AGAP1: variants seen among roughly 807,000 people sequenced by gnomAD.
AGAP1 encodes arf-GAP with GTPase, ANK repeat and PH domain-containing protein 1.
In AGAP1, 29 loss-of-function variants were observed where a neutral mutation model predicts 105.3. The ratio of observed to expected loss-of-function variants is 0.28; its 90% confidence interval spans 0.21 to 0.38. AGAP1 has a LOEUF of 0.38. Ranked by LOEUF, AGAP1 falls within the 10% of genes least tolerant of loss-of-function variation. The probability of loss-of-function intolerance (pLI) is 1.00; values close to 1 mark genes in which losing one functional copy is unlikely to be tolerated. For synonymous variants in AGAP1, 509 were observed against 485.9 expected (o/e 1.05, Z -0.63); for missense variants, 998 against 1,165.1 (o/e 0.86, Z 2.09).
chr2:235,597,714 C>T (rs1424216235), intron 1 of AGAP1, among the ~76,000 whole-genome samples: 1 of 151,660 alleles, frequency 6.6e-6, no homozygotes, highest in African/African-American at 2.4e-5. Flanking sequence ...GCACGCGCTC[C>T]CGTGTTTCCT....
At chr2:235,606,685 C>T (rs995203495) in intron 1 of AGAP1, among the ~76,000 whole-genome samples, 10 of 152,128 alleles carry the variant, frequency 6.6e-5, no homozygotes, top group African/African-American at 1.7e-4. Context: ...TGGTGGCTCA[C>T]GCCTTTAATC....
Position 236,124,406 on chromosome 2 carries a change from A to G in AGAP1, c.*284A>G, listed in dbSNP as rs2059971238. On this transcript the variant is annotated 3_prime_UTR_variant, in exon 18 of 18. Coordinates refer to ENST00000304032, the MANE Select transcript of AGAP1 (RefSeq NM_001037131.3). This position sits in a 1 kb window ranked among gnomAD's most constrained non-coding sequence, Gnocchi z 5.1. ...GGCCTCGGCCCTTTGATGATAGCAC[A>G]TGGCGCAGGACCCTTGTCCTGGTGG... 1 of 474,696 alleles carries G rather than the reference A, an allele frequency of 2.1e-6. No individual in the cohort carries two copies. 29.4% of individuals were successfully genotyped at this position (474,696 alleles called of 1,614,324 possible). A position where few individuals can be genotyped will look rare whatever the true frequency, so the allele number is the denominator to read the frequency against.
rs764495526 is a variant in AGAP1, at chr2:235,549,271, G to A, written c.163+54422G>A. Among the ~76,000 whole-genome samples, 8 of 152,218 alleles carry A rather than the reference G, an allele frequency of 5.3e-5. No individual in the cohort carries two copies. Among genetic ancestry groups the A allele is most frequent in the Non-Finnish European group, 1.0e-4 (7 of 68,028 alleles). ...TGTAGGTGACAAAGCTGGGGGGAAC[G>A]TGGAGGACAGGGATGACTGGAGAGA... On this transcript the variant is annotated intron_variant, in intron 1 of 17. Transcript: ENST00000304032. The surrounding 1 kb of genome is among the most constrained non-coding windows in gnomAD (Gnocchi z 4.2).
chr2:235,700,803 C>T lies in AGAP1; in HGVS notation c.164-8376C>T, dbSNP rs1950209634. ...CGACAAAGCGAGAATCTGTCTCTGT[C>T]TCTCTCTCTCTCTCTCTGTGTATAT... On this transcript the variant is annotated intron_variant, in intron 1 of 17. Coordinates refer to ENST00000304032, the MANE Select transcript of AGAP1 (RefSeq NM_001037131.3). The surrounding 1 kb of genome is among the most constrained non-coding windows in gnomAD (Gnocchi z 6.1). Among the ~76,000 whole-genome samples the T allele has an allele frequency of 2.7e-5, 4 of 147,060 alleles. No homozygotes were observed. The South Asian group carries it at 8.5e-4, about 31-fold the overall frequency.
intron 8 of AGAP1, among the ~76,000 whole-genome samples, chr2:235,805,560 T>G (rs1172796557): frequency 6.6e-6 from 1 of 152,198 alleles, no homozygotes; most frequent in Non-Finnish European, 1.5e-5. Flanking sequence ...AAAAAAAATT[T>G]TTTTAATGTT....
chr2:235,523,410 G>A (rs531722750), intron 1 of AGAP1, among the ~76,000 whole-genome samples: 14 of 152,314 alleles, frequency 9.2e-5, no homozygotes, highest in African/African-American at 2.6e-4. Context: ...TTGCTCACCT[G>A]TGCTGCATGG....
intron 1 of AGAP1, among the ~76,000 whole-genome samples, chr2:235,602,538 T>C (rs189034367): frequency 6.6e-6 from 1 of 152,306 alleles, no homozygotes; most frequent in East Asian, 1.9e-4. Context: ...GCATTAGCCG[T>C]GCCCTCTGCC....
rs1391258909 is a variant in AGAP1 at position 235,793,132 on chromosome 2, G to A, written c.674-4627G>A. 1.3e-5 allele frequency among the ~76,000 whole-genome samples: 2 copies of A among 152,128 alleles called. No individual in the cohort carries two copies. Among genetic ancestry groups the A allele is most frequent in the African/African-American group, 4.8e-5 (2 of 41,436 alleles). On this transcript the variant is annotated intron_variant, in intron 6 of 17. Transcript: ENST00000304032. The surrounding 1 kb of genome is among the most constrained non-coding windows in gnomAD (Gnocchi z 5.3). The stretch of plus-strand genomic sequence containing the variant: ...CGCCACATGCTGCTCAGAGGTCCAG[G>A]AAGGTGCGACCTAGCCTCTGGACCA...
intron 1 of AGAP1, among the ~76,000 whole-genome samples, chr2:235,580,917 A>G (rs1287846387): frequency 1.3e-5 from 2 of 152,136 alleles, no homozygotes; most frequent in Admixed American, 1.3e-4. Flanking sequence ...TGTATGGTGA[A>G]TAACTTGTGA....
intron 9 of AGAP1, among the ~76,000 whole-genome samples, chr2:235,822,352 G>A (rs990265076): frequency 6.6e-6 from 1 of 152,198 alleles, no homozygotes; most frequent in African/African-American, 2.4e-5. Context: ...AAGACCTGGG[G>A]AAACCTAGAG....
intron 12 of AGAP1, among the ~76,000 whole-genome samples, chr2:235,944,619 A>G (rs898486185): frequency 7.2e-5 from 11 of 152,336 alleles, no homozygotes; most frequent in Admixed American, 7.2e-4. Flanking sequence ...TGAAATAAGT[A>G]TCTCCACTCC....
chr2:235,756,199 C>A (rs1026208392), intron 6 of AGAP1, among the ~76,000 whole-genome samples: 1 of 152,242 alleles, frequency 6.6e-6, no homozygotes, highest in South Asian at 2.1e-4. Context: ...TCCTGAGTAG[C>A]GTGTTCGGAG....
Position 235,976,682 on chromosome 2 carries a change from A to T in AGAP1, c.1645+8059A>T, listed in dbSNP as rs1213630635. Among the ~76,000 whole-genome samples the T allele has an allele frequency of 6.6e-6, 1 of 152,198 alleles. No homozygotes were observed. The highest frequency in any genetic ancestry group is 1.5e-5 in the Non-Finnish European group (1 of 68,034). ...ACTGAAGCGGCCCAGCCATCAGGAC[A>T]CACATAGACCAGTGGAGAAAGCAGA... On this transcript the variant is annotated intron_variant, in intron 13 of 17. Coordinates refer to ENST00000304032, the MANE Select transcript of AGAP1 (RefSeq NM_001037131.3). The surrounding 1 kb of genome is among the most constrained non-coding windows in gnomAD (Gnocchi z 4.5).
At chr2:235,539,593 A>G (rs113316040) in intron 1 of AGAP1, among the ~76,000 whole-genome samples, 9,871 of 152,220 alleles carry the variant, frequency 0.065, 453 homozygotes, top group South Asian at 0.18. Flanking sequence ...GGTGGGAGGA[A>G]GGAGACCCAG....
chr2:235,497,902 T>C (rs948657175), intron 1 of AGAP1, among the ~76,000 whole-genome samples: 8 of 152,116 alleles, frequency 5.3e-5, no homozygotes, highest in Non-Finnish European at 1.2e-4. Context: ...GGCCGGGCAC[T>C]TCTTAACGTT....
intron 11 of AGAP1, among the ~76,000 whole-genome samples, chr2:235,928,914 G>C (rs2052583811): frequency 6.6e-6 from 1 of 152,214 alleles, no homozygotes; most frequent in Admixed American, 6.5e-5. Flanking sequence ...CCCGGCTGCT[G>C]TGAGGCCTGG....
At chr2:235,584,902 C>CTTTTTTTTTTTTTT (rs10629736) in intron 1 of AGAP1, among the ~76,000 whole-genome samples, 2 of 98,536 alleles carry the variant, frequency 2.0e-5, no homozygotes, top group Non-Finnish European at 3.6e-5. Context: ...AAGTCATTAC[C>CTTTTTTTTTTTTTT]TTTTTTTTTT....
rs1324745139 is a variant in AGAP1, at chr2:235,620,638, T to C, written c.164-88541T>C. Among the ~76,000 whole-genome samples, 1 of 152,146 alleles carries C rather than the reference T, an allele frequency of 6.6e-6. No homozygotes were observed. Among genetic ancestry groups the C allele is most frequent in the Admixed American group, 6.5e-5 (1 of 15,284 alleles). On this transcript the variant is annotated intron_variant, in intron 1 of 17. Transcript: ENST00000304032. The surrounding 1 kb of genome is among the most constrained non-coding windows in gnomAD (Gnocchi z 4.5). ...AGCCCCTCCTCCTCACCTCCTCACC[T>C]GCTTCCTATTTCCCCATAAACCCCA...
chr2:235,632,611 G>A (rs1033636246), intron 1 of AGAP1, among the ~76,000 whole-genome samples: 13 of 152,170 alleles, frequency 8.5e-5, no homozygotes, highest in Admixed American at 2.6e-4. Context: ...TGGGGTCTTG[G>A]CAGCAATTGG....
Sources: allele counts gnomAD v4.1 joint callset (sites outside exome capture counted in the v4.1 genomes callset), GRCh38; gene constraint gnomAD v4.1.1; non-coding constraint Gnocchi (gnomAD v3.1); transcripts MANE v1.5; gene names NCBI Gene and HGNC (gene_info 2026-07-23, HGNC 2026-07-21).